Variants in SYTL5 observed in about 807,000 individuals in gnomAD.
SYTL5 encodes the protein synaptotagmin-like protein 5.
In SYTL5, 34 loss-of-function variants were observed where a neutral mutation model predicts 55.9. The ratio of observed to expected loss-of-function variants is 0.61; its 90% CI spans 0.46 to 0.81. The LOEUF is 0.81. Among genes scored for constraint, SYTL5 ranks in the 30% least tolerant of loss-of-function variants. SYTL5 has a pLI of 0.00. For synonymous variants in SYTL5, 221 were observed against 188.7 expected (o/e 1.17, Z -1.40); for missense variants, 637 against 546.7 (o/e 1.17, Z -1.65).
At chrX:37,920,074 G>T in the SYTL5 span, among the ~76,000 whole-genome samples, 1 of 111,329 alleles carries the variant, frequency 9.0e-6, no homozygotes, top group Non-Finnish European at 1.9e-5. Flanking sequence ...TTACTGGGAG[G>T]ATCAAAAGAT....
chrX:38,061,270 A>G (rs762321882), intron 3 of SYTL5, among the ~76,000 whole-genome samples: 1 of 112,068 alleles, frequency 8.9e-6, no homozygotes, highest in Admixed American at 9.5e-5. Flanking sequence ...ATCAGAGTAC[A>G]TTACTTCTCC....
At chrX:37,987,593 C>T in the SYTL5 span, among the ~76,000 whole-genome samples, 1 of 111,859 alleles carries the variant, frequency 8.9e-6, no homozygotes, top group Non-Finnish European at 1.9e-5. Flanking sequence ...GATGAAACAG[C>T]AGGCATGAGG....
chrX:37,934,510 GA>G, the SYTL5 span, among the ~76,000 whole-genome samples: 23 of 99,019 alleles, frequency 2.3e-4, no homozygotes, highest in Admixed American at 1.7e-3. Flanking sequence ...CTGAGGAGCA[GA>G]AAAAAAAAAG....
the SYTL5 span, among the ~76,000 whole-genome samples, chrX:37,963,039 C>T: frequency 9.0e-6 from 1 of 111,355 alleles, no homozygotes; most frequent in African/African-American, 3.3e-5. Flanking sequence ...ACATGTCTTT[C>T]CATTTATTTG....
the SYTL5 span, chrX:37,946,350 T>A: frequency 6.4e-6 from 1 of 156,207 alleles, no homozygotes; most frequent in East Asian, 2.2e-4. Flanking sequence ...GCACTATTTC[T>A]AAGCCTGCAT....
At chrX:38,107,287 T>G (rs1272903931) in intron 11 of SYTL5, among the ~76,000 whole-genome samples, 1 of 111,614 alleles carries the variant, frequency 9.0e-6, no homozygotes, top group Non-Finnish European at 1.9e-5. Context: ...CTAGGAGGAC[T>G]TAGGACTCTG....
At chrX:37,970,342 A>C in the SYTL5 span, among the ~76,000 whole-genome samples, 6 of 90,496 alleles carry the variant, frequency 6.6e-5, no homozygotes, top group Admixed American at 6.1e-4. Context: ...ATATAAAATT[A>C]CTTTTTTTTA....
the SYTL5 span, among the ~76,000 whole-genome samples, chrX:37,958,238 T>C: frequency 9.2e-6 from 1 of 109,228 alleles, no homozygotes; most frequent in Non-Finnish European, 1.9e-5. Context: ...AAACCCAGAC[T>C]GTGTAATTTA....
In SYTL5 at chrX:38,107,186, A is replaced by G. The variant is rs777765687; in HGVS notation, c.1334+415A>G. ...TCAGGATTCTAGAGATCAGCCTGGG[A>G]GGGCAGGTATGGACCATAGCACACT... On this transcript the variant is annotated intron_variant, in intron 11 of 16. Transcript: ENST00000297875. 4.5e-5 allele frequency among the ~76,000 whole-genome samples: 5 copies of G among 111,930 alleles called. No homozygotes were observed. In the East Asian group the frequency reaches 1.4e-3, roughly 31 times the overall value.
chrX:37,956,732 T>C, the SYTL5 span, among the ~76,000 whole-genome samples: 2 of 112,189 alleles, frequency 1.8e-5, no homozygotes, highest in Non-Finnish European at 3.8e-5. Flanking sequence ...CTATTGTGAA[T>C]AATGCTGCTA....
At chrX:38,048,421 A>G (rs1018676642) in intron 2 of SYTL5, among the ~76,000 whole-genome samples, 10 of 106,784 alleles carry the variant, frequency 9.4e-5, no homozygotes, top group Admixed American at 3.1e-4. Context: ...TTGCTTCCAC[A>G]TTTTTGGGTA....
chrX:37,961,825 T>C, the SYTL5 span, among the ~76,000 whole-genome samples: 1 of 112,110 alleles, frequency 8.9e-6, no homozygotes, highest in Non-Finnish European at 1.9e-5. Context: ...GCAATTTGTC[T>C]TGATCTCTTA....
chrX:37,909,905 C>T, the SYTL5 span, among the ~76,000 whole-genome samples: 1 of 110,508 alleles, frequency 9.0e-6, no homozygotes, highest in Non-Finnish European at 1.9e-5. Context: ...CAATTCCTGA[C>T]CTCAGGTAAT....
At chrX:38,040,396 C>G (rs183283907) in intron 2 of SYTL5, among the ~76,000 whole-genome samples, 1 of 110,343 alleles carries the variant, frequency 9.1e-6, no homozygotes, top group Non-Finnish European at 1.9e-5. Context: ...AGTCACCACA[C>G]TGTGCTATCA....
At chrX:37,995,887 A>G in the SYTL5 span, among the ~76,000 whole-genome samples, 2 of 112,406 alleles carry the variant, frequency 1.8e-5, no homozygotes, top group Non-Finnish European at 3.8e-5. Flanking sequence ...ACTGGAATGC[A>G]CATCTGAGGA....
At chrX:37,956,565 T>C in the SYTL5 span, among the ~76,000 whole-genome samples, 1 of 112,588 alleles carries the variant, frequency 8.9e-6, no homozygotes, top group African/African-American at 3.2e-5. Flanking sequence ...AACTGGCTTA[T>C]TCCACTTAGC....
At chrX:37,949,540 CA>C in the SYTL5 span, 1 of 111,708 alleles carries the variant, frequency 9.0e-6, no homozygotes, top group Non-Finnish European at 1.9e-5. Context: ...TTAGTGCTTC[CA>C]CCTTAATCAG....
At chrX:38,045,637 C>A (rs1054684117) in intron 2 of SYTL5, among the ~76,000 whole-genome samples, 5 of 112,053 alleles carry the variant, frequency 4.5e-5, no homozygotes, top group Non-Finnish European at 9.4e-5. Context: ...ATGAAATTGG[C>A]ACAAGTCACA....
upstream of SYTL5, among the ~76,000 whole-genome samples, chrX:38,002,285 T>A (rs1483165958): frequency 4.5e-5 from 5 of 112,158 alleles, no homozygotes; most frequent in African/African-American, 6.5e-5. Flanking sequence ...GTTGGGTTGG[T>A]TCCAAGTCTT....
Sources: allele counts gnomAD v4.1 joint callset (sites outside exome capture counted in the v4.1 genomes callset), GRCh38; gene constraint gnomAD v4.1.1; transcripts MANE v1.5; gene names NCBI Gene and HGNC (gene_info 2026-07-23, HGNC 2026-07-21).